AK7: variants seen among roughly 807,000 people sequenced by gnomAD.
AK7 encodes ATP-AMP transphosphorylase 7.
A neutral mutation model predicts 96.6 loss-of-function variants in AK7; 78 were observed. That is an observed-to-expected ratio of 0.81 (90% CI 0.67 to 0.97). The LOEUF is 0.97. AK7 is among the 50% of genes least tolerant of loss of function. The pLI, the probability that AK7 is intolerant of heterozygous loss-of-function variation, is 0.00. For synonymous variants in AK7, 302 were observed against 317.2 expected (o/e 0.95, Z 0.51); for missense variants, 855 against 887.9 (o/e 0.96, Z 0.47).
At chr14:96,452,119 T>C (rs1034489990) in intron 10 of AK7, among the ~76,000 whole-genome samples, 85 of 152,326 alleles carry the variant, frequency 5.6e-4, no homozygotes, top group East Asian at 2.3e-3. Context: ...TTTAAAAAAG[T>C]AATTAATTGA....
intron 5 of AK7, chr14:96,423,822 G>A (rs1266664278): frequency 3.9e-6 from 3 of 770,708 alleles, no homozygotes; most frequent in Non-Finnish European, 7.1e-6. Flanking sequence ...AATTTGCCAC[G>A]GTGGTCTCCG....
At chr14:96,460,117 T>C (rs550092682) in intron 12 of AK7, among the ~76,000 whole-genome samples, 2 of 152,330 alleles carry the variant, frequency 1.3e-5, no homozygotes, top group Non-Finnish European at 2.9e-5. Flanking sequence ...CCTTTGTTTA[T>C]TCATGCTTTA....
intron 11 of AK7, among the ~76,000 whole-genome samples, chr14:96,457,363 A>G (rs964728652): frequency 5.3e-5 from 8 of 152,064 alleles, no homozygotes; most frequent in African/African-American, 1.9e-4. Flanking sequence ...GCCAAGCCTG[A>G]AATGGCTTGT....
At chr14:96,475,846 G>A (rs1895144980) in intron 14 of AK7, among the ~76,000 whole-genome samples, 1 of 152,096 alleles carries the variant, frequency 6.6e-6, no homozygotes, top group African/African-American at 2.4e-5. Context: ...GGGTGTGGTG[G>A]CATGTGCCTG....
At chr14:96,443,127 G>GTTTC (rs1297505157) in intron 7 of AK7, among the ~76,000 whole-genome samples, 1 of 152,182 alleles carries the variant, frequency 6.6e-6, no homozygotes, top group Non-Finnish European at 1.5e-5. Flanking sequence ...TGAGGACGTA[G>GTTTC]TTTCTTATTC....
At chr14:96,434,634 C>T (rs1380680757) in intron 5 of AK7, among the ~76,000 whole-genome samples, 4 of 152,204 alleles carry the variant, frequency 2.6e-5, no homozygotes, top group Non-Finnish European at 5.9e-5. Flanking sequence ...GCTCCACAAT[C>T]AGCAGGTGGC....
intron 10 of AK7, 28 bp from the exon 11 acceptor site, chr14:96,456,319 G>A (rs1893901860): frequency 1.3e-6 from 2 of 1,568,822 alleles, no homozygotes; most frequent in Non-Finnish European, 1.7e-6. Context: ...AGAGCTTGCT[G>A]TATGTTCCTT....
intron 12 of AK7, among the ~76,000 whole-genome samples, chr14:96,470,499 A>G (rs1300210919): frequency 1.3e-5 from 2 of 152,130 alleles, no homozygotes; most frequent in East Asian, 1.9e-4. Flanking sequence ...GAGTTGCATC[A>G]TGTTGTTATT....
intron 4 of AK7, among the ~76,000 whole-genome samples, chr14:96,419,201 T>C (rs1325128047): frequency 6.6e-6 from 1 of 152,196 alleles, no homozygotes; most frequent in Non-Finnish European, 1.5e-5. Context: ...TACTTAATCT[T>C]AACCAGTGAA....
intron 17 of AK7, 21 bp downstream of exon 17, chr14:96,487,077 A>G (rs1895810654): frequency 1.9e-6 from 3 of 1,613,246 alleles, no homozygotes; most frequent in African/African-American, 1.3e-5. Flanking sequence ...TAATTTTTAA[A>G]AAAAGATCAA....
intron 5 of AK7, chr14:96,421,516 T>C (rs1029760094): frequency 6.6e-6 from 1 of 152,150 alleles, no homozygotes; most frequent in African/African-American, 2.4e-5. Flanking sequence ...TGGGTTCGCT[T>C]TTTTTCTTTG....
rs118072962 is a variant in AK7 at position 96,460,963 on chromosome 14, C to T, written c.1357+2751C>T. ...GGGATGGAGGAGGTGGTTTTGCATG[C>T]AAACACCAAGTGTTCGCTGAAACCA... is the stretch of plus-strand genomic sequence containing the variant. On this transcript the variant is annotated intron_variant, in intron 12 of 17. Coordinates refer to ENST00000267584, the MANE Select transcript of AK7 (RefSeq NM_152327.5). 6.1e-4 allele frequency among the ~76,000 whole-genome samples: 93 copies of T among 152,326 alleles called. 2 individuals carry two copies. The East Asian group carries it at 6.4e-3, about 10-fold the overall frequency.
chr14:96,451,668 G>T (rs1002677923), intron 10 of AK7, 98 bp downstream of exon 10: 5 of 1,224,362 alleles, frequency 4.1e-6, no homozygotes, highest in Non-Finnish European at 2.1e-6. Context: ...TTTTTCAGAC[G>T]TTCAAATTTC....
chr14:96,478,836 G>A (rs948963064), intron 15 of AK7, among the ~76,000 whole-genome samples, 174 bp downstream of exon 15: 8 of 152,078 alleles, frequency 5.3e-5, no homozygotes, highest in African/African-American at 1.9e-4. Context: ...TCTATGTGGG[G>A]ATTTGGTGGT....
intron 3 of AK7, 114 bp from the exon 4 acceptor site, chr14:96,408,733 G>A (rs970555657): frequency 1.2e-6 from 1 of 829,312 alleles, no homozygotes. Context: ...AGAAGCATCA[G>A]AGGTAACAGC....
Position 96,434,823 on chromosome 14 carries a change from G to A in AK7, c.610-3012G>A, listed in dbSNP as rs143826817. 1.4e-3 allele frequency among the ~76,000 whole-genome samples: 219 copies of A among 152,248 alleles called. 1 individual carries two copies. The highest frequency in any genetic ancestry group is 4.9e-3 in the African/African-American group (202 of 41,554). On this transcript the variant is annotated intron_variant, in intron 5 of 17. Coordinates refer to ENST00000267584, the MANE Select transcript of AK7 (RefSeq NM_152327.5). ...ACACCACAAGACGTAGTCCTTCCCA[G>A]TCTTCCCTCTTCTTTCCAAAGACAG... is the stretch of plus-strand genomic sequence containing the variant.
At chr14:96,407,347 T>G (rs1000413893) in intron 3 of AK7, among the ~76,000 whole-genome samples, 2 of 152,116 alleles carry the variant, frequency 1.3e-5, no homozygotes, top group African/African-American at 4.8e-5. Flanking sequence ...AACACAAAGT[T>G]TGGAATAATA....
chr14:96,453,948 A>G (rs1009250286), intron 10 of AK7, among the ~76,000 whole-genome samples: 1 of 152,044 alleles, frequency 6.6e-6, no homozygotes, highest in African/African-American at 2.4e-5. Context: ...CAGTTCCAGA[A>G]CTGCTTTCCT....
At chr14:96,442,553 C>T (rs573640514) in intron 6 of AK7, among the ~76,000 whole-genome samples, 177 bp from the exon 7 acceptor site, 1 of 152,250 alleles carries the variant, frequency 6.6e-6, no homozygotes, top group African/African-American at 2.4e-5. Flanking sequence ...CACTATTTCT[C>T]TTGGCAGAAT....
Sources: allele counts gnomAD v4.1 joint callset (sites outside exome capture counted in the v4.1 genomes callset), GRCh38; gene constraint gnomAD v4.1.1; transcripts MANE v1.5; gene names NCBI Gene and HGNC (gene_info 2026-07-23, HGNC 2026-07-21).